Variants in EXOC6 observed in about 807,000 individuals in gnomAD.
EXOC6 encodes exocyst complex component 6, also known as SEC15-like 1.
A neutral mutation model predicts 112.5 loss-of-function variants in EXOC6; 60 were observed. The ratio of observed to expected loss-of-function variants is 0.53; its 90% CI spans 0.43 to 0.66. The LOEUF (loss-of-function observed/expected upper bound fraction) is 0.66. Ranked by LOEUF, EXOC6 falls within the 30% of genes least tolerant of loss-of-function variation. The pLI, the probability that EXOC6 is intolerant of heterozygous loss-of-function variation, is 0.00. For synonymous variants in EXOC6, 295 were observed against 308.0 expected, an observed-to-expected ratio of 0.96 and a Z score of 0.44; for missense variants, 855 against 957.1, an observed-to-expected ratio of 0.89 and a Z score of 1.41.
At chr10:93,033,191 T>C (rs1417643895) in intron 20 of EXOC6, among the ~76,000 whole-genome samples, 1 of 152,126 alleles carries the variant, frequency 6.6e-6, no homozygotes, top group Non-Finnish European at 1.5e-5. Context: ...TCTGGCTGTT[T>C]TAAGGAGAAT....
intron 7 of EXOC6, among the ~76,000 whole-genome samples, chr10:92,919,645 T>A (rs1419697345): frequency 6.6e-6 from 1 of 152,144 alleles, no homozygotes; most frequent in Non-Finnish European, 1.5e-5. Context: ...CTGTGTATCA[T>A]TTTTACCCAA....
At chr10:92,827,143 T>C (rs1222239934) in intron 1 of EXOC6, among the ~76,000 whole-genome samples, 2 of 152,164 alleles carry the variant, frequency 1.3e-5, no homozygotes, top group Non-Finnish European at 2.9e-5. Flanking sequence ...CTAATGTGCC[T>C]ATGGTGCATT....
chr10:92,919,534 A>G (rs1202786649), intron 7 of EXOC6, among the ~76,000 whole-genome samples: 1 of 152,158 alleles, frequency 6.6e-6, no homozygotes, highest in Non-Finnish European at 1.5e-5. Flanking sequence ...AGCAGTCTGT[A>G]AAATAATACT....
chr10:93,034,624 G>A (rs895105927), intron 20 of EXOC6, among the ~76,000 whole-genome samples: 1 of 152,188 alleles, frequency 6.6e-6, no homozygotes, highest in East Asian at 1.9e-4. Context: ...GAGACTGGAC[G>A]TCTGCCAGGA....
intron 18 of EXOC6, among the ~76,000 whole-genome samples, chr10:92,976,275 G>A (rs1016801602): frequency 3.3e-5 from 5 of 152,216 alleles, no homozygotes; most frequent in African/African-American, 4.8e-5. Context: ...GATGGTTGCC[G>A]TGTCTGTGTA....
chr10:92,843,296 G>A (rs1411194997), intron 1 of EXOC6, among the ~76,000 whole-genome samples: 1 of 152,156 alleles, frequency 6.6e-6, no homozygotes, highest in African/African-American at 2.4e-5. Context: ...ACACCAAAAA[G>A]GCAGAAGCTG....
chr10:93,007,545 C>G (rs961137665), intron 19 of EXOC6, among the ~76,000 whole-genome samples: 1 of 152,058 alleles, frequency 6.6e-6, no homozygotes, highest in Admixed American at 6.6e-5. Flanking sequence ...CCCAGCTACT[C>G]TGGAGGCCGA....
chr10:92,906,401 C>G (rs1043535721), intron 5 of EXOC6, among the ~76,000 whole-genome samples: 2 of 152,090 alleles, frequency 1.3e-5, no homozygotes, highest in Non-Finnish European at 2.9e-5. Flanking sequence ...AGGACAAACT[C>G]TGGTGAAATG....
chr10:92,974,027 TTTG>T (rs769938646), intron 17 of EXOC6, 23 bp from the exon 18 acceptor site: 31 of 1,534,486 alleles, frequency 2.0e-5, no homozygotes, highest in African/African-American at 1.1e-4. Context: ...GTTTCTTGTC[TTTG>T]TTGTTATTTT....
chr10:92,972,464 G>A (rs149982228), intron 17 of EXOC6, among the ~76,000 whole-genome samples: 237 of 152,222 alleles, frequency 1.6e-3, no homozygotes, highest in African/African-American at 5.6e-3. Flanking sequence ...TTTAACCAAG[G>A]GATGAAATAT....
intron 1 of EXOC6, among the ~76,000 whole-genome samples, chr10:92,863,949 AAAG>A (rs1300523760): frequency 2.0e-5 from 3 of 151,736 alleles, no homozygotes; most frequent in Non-Finnish European, 4.4e-5. Flanking sequence ...AACAAAAAAA[AAAG>A]AAAAAAAACC....
At chr10:93,054,371 A>C (rs1329847655) in intron 20 of EXOC6, among the ~76,000 whole-genome samples, 2 of 152,314 alleles carry the variant, frequency 1.3e-5, no homozygotes, top group Admixed American at 1.3e-4. Context: ...CTTAACCATT[A>C]ATTTGCAAAT....
At chr10:92,895,842 G>A (rs1849720934) in intron 4 of EXOC6, among the ~76,000 whole-genome samples, 1 of 143,266 alleles carries the variant, frequency 7.0e-6, no homozygotes, top group Non-Finnish European at 1.5e-5. Context: ...TTACAGGCAT[G>A]AGCCACCACA....
chr10:92,899,860 G>A, intron 5 of EXOC6: 1 of 428,478 alleles, frequency 2.3e-6, no homozygotes. Context: ...ATCAAGGATT[G>A]GTAATGTTGA....
At chr10:93,051,637 A>G (rs567509678) in intron 20 of EXOC6, among the ~76,000 whole-genome samples, 1 of 152,350 alleles carries the variant, frequency 6.6e-6, no homozygotes, top group South Asian at 2.1e-4. Context: ...TAAAAATCAT[A>G]TGGAGCTCAT....
intron 9 of EXOC6, among the ~76,000 whole-genome samples, chr10:92,930,908 T>G (rs2133943226): frequency 6.6e-6 from 1 of 152,106 alleles, no homozygotes; most frequent in Admixed American, 6.5e-5. Flanking sequence ...GGTCAAGAGA[T>G]CGAGAGCATC....
At chr10:93,028,708 C>T (rs7094017) in intron 20 of EXOC6, among the ~76,000 whole-genome samples, 2,585 of 152,102 alleles carry the variant, frequency 0.017, 67 homozygotes, top group African/African-American at 0.058. Flanking sequence ...GTGGCATATG[C>T]CTGTAATCCT....
intron 17 of EXOC6, among the ~76,000 whole-genome samples, chr10:92,965,124 A>C (rs1841991769): frequency 6.6e-6 from 1 of 152,188 alleles, no homozygotes; most frequent in East Asian, 1.9e-4. Flanking sequence ...ATTTTCCAAA[A>C]TGTATTTAGG....
intron 18 of EXOC6, among the ~76,000 whole-genome samples, chr10:92,981,831 T>A (rs1842836659): frequency 6.6e-6 from 1 of 152,120 alleles, no homozygotes; most frequent in African/African-American, 2.4e-5. Flanking sequence ...AAAAAAGACA[T>A]GATCGGCTGG....
Sources: gnomAD v4.1 joint callset for allele counts (sites outside exome capture counted in the v4.1 genomes callset) on GRCh38, gnomAD v4.1.1 for gene constraint, MANE v1.5 for transcripts, NCBI Gene and HGNC (gene_info 2026-07-23, HGNC 2026-07-21) for gene names.